Variants in VPS13B observed in about 807,000 individuals in gnomAD.
VPS13B encodes the protein vacuolar protein sorting 13 homolog B, also known as intermembrane lipid transfer protein VPS13B.
VPS13B carries 285 observed loss-of-function variants against 426.4 expected under a neutral mutation model. The ratio of observed to expected loss-of-function variants is 0.67; its 90% CI spans 0.61 to 0.74. The LOEUF is 0.74. Ranked by LOEUF, VPS13B falls within the 30% of genes least tolerant of loss-of-function variation. The pLI, the probability that VPS13B is intolerant of heterozygous loss-of-function variation, is 0.00. For synonymous variants in VPS13B, 1,676 were observed against 1,676.4 expected (o/e 1.00, Z 0.01); for missense variants, 4,537 against 4,782.6 (o/e 0.95, Z 1.51).
chr8:99,050,537 TG>T (rs1843484069), intron 3 of VPS13B, among the ~76,000 whole-genome samples: 1 of 152,236 alleles, frequency 6.6e-6, no homozygotes, highest in Non-Finnish European at 1.5e-5. Flanking sequence ...TATAATACTT[TG>T]GGCATATACC....
At chr8:99,372,166 G>A (rs1813220774) in intron 19 of VPS13B, among the ~76,000 whole-genome samples, 1 of 151,172 alleles carries the variant, frequency 6.6e-6, no homozygotes, top group Non-Finnish European at 1.5e-5. Flanking sequence ...CAGGAGAATG[G>A]CGTGAACCCC....
At chr8:99,606,111 C>T (rs976083902) in intron 33 of VPS13B, among the ~76,000 whole-genome samples, 2 of 151,908 alleles carry the variant, frequency 1.3e-5, no homozygotes, top group Non-Finnish European at 2.9e-5. Flanking sequence ...TGCCATGTTG[C>T]CCAGGCTGGT....
intron 25 of VPS13B, among the ~76,000 whole-genome samples, chr8:99,491,854 C>T (rs187873991): frequency 6.6e-6 from 1 of 152,292 alleles, no homozygotes; most frequent in East Asian, 1.9e-4. Flanking sequence ...CCTTCTGAAG[C>T]CTACTTCTGT....
chr8:99,561,195 C>T (rs1408977524), intron 31 of VPS13B, among the ~76,000 whole-genome samples: 1 of 152,158 alleles, frequency 6.6e-6, no homozygotes, highest in Non-Finnish European at 1.5e-5. Context: ...TATCTTTCTC[C>T]CTCTTTCCAG....
intron 19 of VPS13B, among the ~76,000 whole-genome samples, chr8:99,284,533 G>A (rs1355475359): frequency 6.6e-6 from 1 of 151,928 alleles, no homozygotes; most frequent in Admixed American, 6.6e-5. Context: ...CTTTGAGCAA[G>A]TAAACCTTTC....
chr8:99,643,242 G>A (rs1285884338), intron 34 of VPS13B, among the ~76,000 whole-genome samples: 7 of 152,132 alleles, frequency 4.6e-5, no homozygotes, highest in African/African-American at 1.7e-4. Context: ...AAAAACTGGA[G>A]AGGGTAGCTG....
At chr8:99,170,799 G>A (rs1053098149) in intron 16 of VPS13B, among the ~76,000 whole-genome samples, 1 of 151,380 alleles carries the variant, frequency 6.6e-6, no homozygotes, top group South Asian at 2.1e-4. Flanking sequence ...ATAAAATAAT[G>A]TTTAAATATA....
chr8:99,277,949 T>C (rs1321926136), intron 19 of VPS13B, among the ~76,000 whole-genome samples: 1 of 152,308 alleles, frequency 6.6e-6, no homozygotes, highest in East Asian at 1.9e-4. Flanking sequence ...AAGTATCTAA[T>C]GGAATAGAGA....
At chr8:99,023,582 G>C (rs1285756486) in intron 2 of VPS13B, among the ~76,000 whole-genome samples, 1 of 151,812 alleles carries the variant, frequency 6.6e-6, no homozygotes, top group Non-Finnish European at 1.5e-5. Flanking sequence ...CTGGGTTCAA[G>C]CGATTCTTCT....
chr8:99,309,995 G>T (rs1356905563), intron 19 of VPS13B, among the ~76,000 whole-genome samples: 2 of 152,132 alleles, frequency 1.3e-5, no homozygotes, highest in Middle Eastern at 3.2e-3. Context: ...TCTGTTATTG[G>T]TGTATAAGAA....
chr8:99,237,421 A>G (rs765220398), intron 17 of VPS13B, among the ~76,000 whole-genome samples: 2 of 152,196 alleles, frequency 1.3e-5, no homozygotes, highest in Non-Finnish European at 2.9e-5. Flanking sequence ...CAAGGGTAAT[A>G]GTTGAGGGTT....
chr8:99,697,251 A>G, intron 35 of VPS13B: 2 of 580,992 alleles, frequency 3.4e-6, no homozygotes, highest in East Asian at 3.2e-5. Context: ...GGAGGCAGCC[A>G]TCCAGCAGGA....
At chr8:99,100,780 T>C (rs1240436166) in intron 4 of VPS13B, among the ~76,000 whole-genome samples, 2 of 151,996 alleles carry the variant, frequency 1.3e-5, no homozygotes, top group East Asian at 2.0e-4. Flanking sequence ...TGGTGGCTCA[T>C]GCCTGTAATC....
chr8:99,704,474 T>C (rs1037318564), intron 36 of VPS13B, among the ~76,000 whole-genome samples: 1 of 152,136 alleles, frequency 6.6e-6, no homozygotes. Flanking sequence ...GGAAATAAAA[T>C]AGTAAATTAG....
At chr8:99,536,940 C>T (rs1044303508) in intron 30 of VPS13B, 15 of 406,640 alleles carry the variant, frequency 3.7e-5, no homozygotes, top group African/African-American at 1.3e-4. Context: ...TTGTTCAGTT[C>T]GATGATAGAA....
At chr8:99,219,929 G>T (rs182809722) in intron 17 of VPS13B, among the ~76,000 whole-genome samples, 48 of 152,256 alleles carry the variant, frequency 3.2e-4, no homozygotes, top group African/African-American at 1.1e-3. Context: ...TTGACCAGGG[G>T]CAGCTACCTT....
chr8:99,771,063 C>G (rs1037891327), intron 40 of VPS13B, among the ~76,000 whole-genome samples: 1 of 152,190 alleles, frequency 6.6e-6, no homozygotes, highest in African/African-American at 2.4e-5. Context: ...CTTACCTTCA[C>G]CCCTAGAGAG....
At chr8:99,367,498 G>C (rs969877491) in intron 19 of VPS13B, among the ~76,000 whole-genome samples, 4 of 152,158 alleles carry the variant, frequency 2.6e-5, no homozygotes, top group African/African-American at 7.2e-5. Context: ...TCTGGTTGGT[G>C]TTCTGTAAAC....
At chr8:99,065,402 A>G (rs1020214896) in intron 3 of VPS13B, among the ~76,000 whole-genome samples, 5 of 152,196 alleles carry the variant, frequency 3.3e-5, no homozygotes, top group Admixed American at 1.3e-4. Context: ...ACAGAACTAA[A>G]GACAAAAGCC....
Sources: allele counts gnomAD v4.1 joint callset (sites outside exome capture counted in the v4.1 genomes callset), GRCh38; gene constraint gnomAD v4.1.1; transcripts MANE v1.5; gene names NCBI Gene and HGNC (gene_info 2026-07-23, HGNC 2026-07-21).